Variants in ABCD3 observed in about 807,000 individuals in gnomAD.
The protein encoded by ABCD3 is ATP-binding cassette sub-family D member 3.
ABCD3 carries 41 observed loss-of-function variants against 105.5 expected under a neutral mutation model. The observed-to-expected ratio is 0.39, with a 90% confidence interval of 0.30 to 0.50. The LOEUF (loss-of-function observed/expected upper bound fraction) is 0.50. ABCD3 is among the 20% of genes least tolerant of loss of function. The pLI is 0.84. For missense variants in ABCD3, 622 were observed against 806.3 expected (o/e 0.77, Z 2.77); for synonymous variants, 258 against 269.0 (o/e 0.96, Z 0.40).
At chr1:94,401,268 G>T in the ABCD3 span, among the ~76,000 whole-genome samples, 1 of 152,236 alleles carries the variant, frequency 6.6e-6, no homozygotes, top group African/African-American at 2.4e-5. Context: ...AAGCCTGGTC[G>T]AACCTGCTAG....
chr1:94,410,024 T>A, the ABCD3 span, among the ~76,000 whole-genome samples: 1 of 152,208 alleles, frequency 6.6e-6, no homozygotes, highest in African/African-American at 2.4e-5. Context: ...TACAGACGGA[T>A]GGCTGAGCAC....
At chr1:94,514,134 C>T (rs1417913213) in intron 21 of ABCD3, 1 of 151,986 alleles carries the variant, frequency 6.6e-6, no homozygotes, top group Non-Finnish European at 1.5e-5. Context: ...CCTAAGCATG[C>T]ATTTGCCAGC....
At chr1:94,497,714 AC>A (rs1293786509) in intron 16 of ABCD3, among the ~76,000 whole-genome samples, 1 of 152,256 alleles carries the variant, frequency 6.6e-6, no homozygotes, top group Non-Finnish European at 1.5e-5. Context: ...GCTTACTGTT[AC>A]ATAAGTTGCT....
chr1:94,495,800 A>G (rs889440126), intron 16 of ABCD3, among the ~76,000 whole-genome samples: 1 of 152,194 alleles, frequency 6.6e-6, no homozygotes, highest in African/African-American at 2.4e-5. Flanking sequence ...GGAACCATTT[A>G]ATTACCAGCT....
Position 94,498,884 on chromosome 1 carries a change from T to C in ABCD3, c.1530+36T>C, listed in dbSNP as rs1044641466. The C allele has an allele frequency of 6.8e-6, 11 of 1,610,912 alleles. No homozygotes were observed. The Admixed American group carries it at 8.3e-5, about 12-fold the overall frequency. ...GCTTGAGTTATCTTTGATCTAAAGA[T>C]CTTTTTGTTTATTTATTTTTTCATG... On this transcript the variant is annotated intron_variant, in intron 18 of 22. Coordinates refer to ENST00000370214, the MANE Select transcript of ABCD3 (RefSeq NM_002858.4).
intron 3 of ABCD3, among the ~76,000 whole-genome samples, chr1:94,466,158 T>G (rs184432927): frequency 6.6e-6 from 1 of 152,202 alleles, no homozygotes; most frequent in African/African-American, 2.4e-5. Context: ...GATTTATTTT[T>G]TGGCACCTAT....
At chr1:94,407,917 T>C in the ABCD3 span, among the ~76,000 whole-genome samples, 4 of 152,252 alleles carry the variant, frequency 2.6e-5, no homozygotes, top group Admixed American at 2.6e-4. Context: ...ATAAATAAAG[T>C]GTTATTGGAA....
At chr1:94,460,199 A>C (rs941180921) in intron 2 of ABCD3, among the ~76,000 whole-genome samples, 7 of 152,208 alleles carry the variant, frequency 4.6e-5, no homozygotes, top group Non-Finnish European at 1.0e-4. Context: ...TTATTGCGGT[A>C]AATGTCAGCT....
At chr1:94,460,804 A>G (rs1647832259) in intron 2 of ABCD3, among the ~76,000 whole-genome samples, 3 of 152,024 alleles carry the variant, frequency 2.0e-5, no homozygotes, top group Admixed American at 2.0e-4. Flanking sequence ...AAATGTGATA[A>G]GATGTGCTTA....
chr1:94,518,003 T>C lies in ABCD3; in HGVS notation c.*874T>C, dbSNP rs957354999. ...TTGGTATTAAACTCCAAATGAGCCA[T>C]AGGAAGGCACTACATGAAATAATGC... is the stretch of plus-strand genomic sequence containing the variant. On this transcript the variant is annotated 3_prime_UTR_variant, in exon 23 of 23. Transcript: ENST00000370214. The C allele has an allele frequency of 6.6e-6, 1 of 151,852 alleles. No individual in the cohort carries two copies. The highest frequency in any genetic ancestry group is 2.4e-5 in the African/African-American group (1 of 41,408). The allele number at this position is 151,852 out of a possible 1,614,324, so 9.4% of individuals were successfully genotyped here.
chr1:94,488,839 C>T (rs936859933), intron 13 of ABCD3, among the ~76,000 whole-genome samples: 1 of 151,934 alleles, frequency 6.6e-6, no homozygotes, highest in Non-Finnish European at 1.5e-5. Context: ...CTCTCTCGCT[C>T]TCTTTCTGTG....
intron 2 of ABCD3, among the ~76,000 whole-genome samples, chr1:94,463,635 A>G (rs1557673582): frequency 6.6e-6 from 1 of 152,112 alleles, no homozygotes; most frequent in South Asian, 2.1e-4. Context: ...CTTTTCCAAG[A>G]AGTTTCCCCT....
chr1:94,452,191 AC>A (rs1170746537), intron 1 of ABCD3, among the ~76,000 whole-genome samples: 2 of 152,232 alleles, frequency 1.3e-5, no homozygotes, highest in Non-Finnish European at 2.9e-5. Flanking sequence ...GTAAACAAGG[AC>A]CATTCTGGGC....
At chr1:94,461,787 G>A (rs1053345331) in intron 2 of ABCD3, among the ~76,000 whole-genome samples, 9 of 152,090 alleles carry the variant, frequency 5.9e-5, no homozygotes, top group African/African-American at 1.7e-4. Context: ...GTGTGGCTAA[G>A]CATATGTGCA....
intron 3 of ABCD3, among the ~76,000 whole-genome samples, chr1:94,466,998 C>T (rs1028157766): frequency 1.3e-5 from 2 of 152,176 alleles, no homozygotes; most frequent in Non-Finnish European, 1.5e-5. Flanking sequence ...GCAGGATTCT[C>T]ATCTCACAGA....
chr1:94,484,386 C>T (rs1183130618), intron 10 of ABCD3, among the ~76,000 whole-genome samples: 1 of 152,152 alleles, frequency 6.6e-6, no homozygotes, highest in Non-Finnish European at 1.5e-5. Context: ...TGGAACCAAC[C>T]CGAATGTCCA....
intron 1 of ABCD3, among the ~76,000 whole-genome samples, chr1:94,423,175 C>T (rs1209718720): frequency 1.3e-5 from 2 of 152,182 alleles, no homozygotes; most frequent in Non-Finnish European, 2.9e-5. Context: ...CTCTTGTCAT[C>T]CTTGAAGGGT....
chr1:94,422,056 A>C (rs1440866499), intron 1 of ABCD3, among the ~76,000 whole-genome samples: 1 of 152,222 alleles, frequency 6.6e-6, no homozygotes, highest in East Asian at 1.9e-4. Context: ...GCATGAGCCA[A>C]CTTGCCCAGC....
the ABCD3 span, among the ~76,000 whole-genome samples, chr1:94,394,877 GCT>G: frequency 1.3e-5 from 2 of 152,120 alleles, no homozygotes; most frequent in Non-Finnish European, 2.9e-5. Flanking sequence ...TTCCAATCAG[GCT>G]CTGTGTTTAA....
Sources: gnomAD v4.1 joint callset for allele counts (sites outside exome capture counted in the v4.1 genomes callset) on GRCh38, gnomAD v4.1.1 for gene constraint, MANE v1.5 for transcripts, NCBI Gene and HGNC (gene_info 2026-07-23, HGNC 2026-07-21) for gene names.